The following CDH10 variants were observed in gnomAD, a reference collection of about 807,000 sequenced individuals.
CDH10 encodes cadherin-10.
A neutral mutation model predicts 73.1 loss-of-function variants in CDH10; 30 were observed. The ratio of observed to expected loss-of-function variants is 0.41; its 90% CI spans 0.31 to 0.56. CDH10 has a LOEUF of 0.56. Among genes scored for constraint, CDH10 ranks in the 20% least tolerant of loss-of-function variants. The probability of loss-of-function intolerance (pLI) is 0.27; values close to 1 mark genes in which losing one functional copy is unlikely to be tolerated. For missense variants in CDH10, 815 were observed against 973.7 expected, an observed-to-expected ratio of 0.84 and a Z score of 2.17; for synonymous variants, 345 against 348.2, an observed-to-expected ratio of 0.99 and a Z score of 0.10.
chr5:24,564,009 C>T (rs187133513), intron 2 of CDH10, among the ~76,000 whole-genome samples: 6 of 152,212 alleles, frequency 3.9e-5, no homozygotes, highest in South Asian at 2.1e-4. Flanking sequence ...ACTTGCTTTT[C>T]GGCCCAAGAA....
intron 5 of CDH10, among the ~76,000 whole-genome samples, chr5:24,517,684 TA>T (rs900624094): frequency 1.1e-4 from 16 of 151,968 alleles, no homozygotes; most frequent in Non-Finnish European, 2.1e-4. Flanking sequence ...ATGAAGGTAG[TA>T]AAAAAAACTC....
At chr5:24,511,628 G>A (rs544228947) in intron 5 of CDH10, 114 bp from the exon 6 acceptor site, 7 of 611,024 alleles carry the variant, frequency 1.1e-5, no homozygotes, top group African/African-American at 9.4e-5. Context: ...AAACATGTAA[G>A]ACGCAATATA....
At chr5:24,581,339 C>T (rs185348474) in intron 2 of CDH10, among the ~76,000 whole-genome samples, 1 of 152,332 alleles carries the variant, frequency 6.6e-6, no homozygotes, top group East Asian at 1.9e-4. Flanking sequence ...TCATTCACTT[C>T]CTTCCAGTCC....
At chr5:24,570,117 T>G (rs1184984538) in intron 2 of CDH10, among the ~76,000 whole-genome samples, 1 of 152,126 alleles carries the variant, frequency 6.6e-6, no homozygotes, top group Non-Finnish European at 1.5e-5. Context: ...TTGGTCCAAT[T>G]TTCTGTTAAA....
At chr5:24,498,011 T>C (rs916947112) in intron 9 of CDH10, among the ~76,000 whole-genome samples, 1 of 152,166 alleles carries the variant, frequency 6.6e-6, no homozygotes, top group African/African-American at 2.4e-5. Context: ...TCCCATACAT[T>C]TGTCTCTTGT....
rs1037642434 is a variant in CDH10 at position 24,487,118 on chromosome 5, T to C, written c.*545A>G. On this transcript the variant is annotated 3_prime_UTR_variant, in exon 12 of 12. Coordinates refer to ENST00000264463, the MANE Select transcript of CDH10 (RefSeq NM_006727.5). ...GACAAAGTAGTTGTAAAAACTGGTT[T>C]ATTTTTTTAAAAATAAATACAAAAA... 11 of 152,594 alleles carry C rather than the reference T, an allele frequency of 7.2e-5. No individual in the cohort carries two copies. Among genetic ancestry groups the C allele is most frequent in the Admixed American group, 7.2e-4 (11 of 15,270 alleles). The allele number at this position is 152,594 out of a possible 1,614,324, so 9.5% of individuals were successfully genotyped here.
Position 24,530,016 on chromosome 5 carries a change from C to CTTTT in CDH10, c.814+5092_814+5095dup, listed in dbSNP as rs34282847. 1.4e-4 allele frequency among the ~76,000 whole-genome samples: 17 copies of CTTTT among 121,842 alleles called. 2 individuals are homozygous for CTTTT. The highest frequency in any genetic ancestry group is 2.6e-4 in the South Asian group (1 of 3,810). 79.9% of individuals were successfully genotyped at this position (121,842 alleles called of 152,430 possible). A position where few individuals can be genotyped will look rare whatever the true frequency, so the allele number is the denominator to read the frequency against. ...CTGTGAATAAAAGGCTCTATTTTTA[C>CTTTT]TTTTTTTTTTTTTTTTTTTTGAACT... On this transcript the variant is annotated intron_variant, in intron 5 of 11. Transcript: ENST00000264463.
intron 5 of CDH10, among the ~76,000 whole-genome samples, chr5:24,527,877 T>C (rs1743589662): frequency 6.6e-6 from 1 of 151,936 alleles, no homozygotes; most frequent in African/African-American, 2.4e-5. Flanking sequence ...TGTGTCTGTG[T>C]GTATCAGAGA....
intron 2 of CDH10, among the ~76,000 whole-genome samples, chr5:24,590,909 A>G (rs1746178729): frequency 6.6e-6 from 1 of 152,056 alleles, no homozygotes; most frequent in Admixed American, 6.6e-5. Context: ...AGAGGCATTG[A>G]AACACTTATC....
intron 1 of CDH10, among the ~76,000 whole-genome samples, chr5:24,632,079 T>C (rs183059547): frequency 6.6e-6 from 1 of 152,232 alleles, no homozygotes. Flanking sequence ...AGGATAATTA[T>C]CTTGTATAAA....
At chr5:24,606,860 A>G (rs1480510760) in intron 1 of CDH10, among the ~76,000 whole-genome samples, 3 of 152,194 alleles carry the variant, frequency 2.0e-5, no homozygotes, top group Non-Finnish European at 4.4e-5. Flanking sequence ...TGTTATTTAG[A>G]TCAATGGTTT....
At chr5:24,537,998 TGG>T (rs1416811203) in intron 2 of CDH10, among the ~76,000 whole-genome samples, 19 of 152,012 alleles carry the variant, frequency 1.2e-4, no homozygotes, top group Non-Finnish European at 2.4e-4. Flanking sequence ...TCTTGATAGG[TGG>T]GTGTAAACAT....
chr5:24,489,717 G>A (rs2111623685), intron 11 of CDH10, among the ~76,000 whole-genome samples: 1 of 152,184 alleles, frequency 6.6e-6, no homozygotes, highest in East Asian at 1.9e-4. Context: ...TGCTTAATCT[G>A]ATTTTAATTC....
intron 2 of CDH10, among the ~76,000 whole-genome samples, chr5:24,567,731 G>T (rs575253695): frequency 6.5e-4 from 99 of 152,032 alleles, no homozygotes; most frequent in African/African-American, 2.0e-3. Context: ...ATATGTATTT[G>T]TCAAAACTCA....
intron 2 of CDH10, among the ~76,000 whole-genome samples, chr5:24,592,723 T>C (rs941485673): frequency 1.3e-5 from 2 of 151,808 alleles, no homozygotes; most frequent in Non-Finnish European, 2.9e-5. Context: ...TTTATACAAA[T>C]GCACCCATAG....
intron 1 of CDH10, among the ~76,000 whole-genome samples, chr5:24,641,796 A>T (rs942587622): frequency 5.3e-5 from 8 of 152,062 alleles, no homozygotes; most frequent in African/African-American, 1.9e-4. Flanking sequence ...CATGACTGTT[A>T]AATACAATAT....
At chr5:24,629,615 C>T (rs1469714812) in intron 1 of CDH10, among the ~76,000 whole-genome samples, 1 of 151,894 alleles carries the variant, frequency 6.6e-6, no homozygotes, top group African/African-American at 2.4e-5. Flanking sequence ...TGGGAGGTGA[C>T]TGGATCATGG....
intron 1 of CDH10, among the ~76,000 whole-genome samples, chr5:24,625,562 T>C (rs1202724560): frequency 2.3e-5 from 2 of 86,748 alleles, no homozygotes; most frequent in Admixed American, 1.6e-4. Flanking sequence ...TATATATATA[T>C]TCATATATAT....
chr5:24,509,906 G>T, intron 6 of CDH10, 87 bp from the exon 7 acceptor site: 1 of 983,776 alleles, frequency 1.0e-6, no homozygotes, highest in Non-Finnish European at 1.5e-6. Flanking sequence ...TTTAAGTTGT[G>T]GTTGAGTTCT....
Sources: allele counts gnomAD v4.1 joint callset (sites outside exome capture counted in the v4.1 genomes callset), GRCh38; gene constraint gnomAD v4.1.1; transcripts MANE v1.5; gene names NCBI Gene and HGNC (gene_info 2026-07-23, HGNC 2026-07-21).